Variants in SOX6 observed in about 807,000 individuals in gnomAD.
The protein encoded by SOX6 is SRY-box transcription factor 6.
In SOX6, 11 loss-of-function variants were observed where a neutral mutation model predicts 97.8. The ratio of observed to expected loss-of-function variants is 0.11; its 90% confidence interval spans 0.07 to 0.19. SOX6 has a LOEUF of 0.19. SOX6 is among the 10% of genes least tolerant of loss of function. SOX6 has a pLI of 1.00. For synonymous variants in SOX6, 360 were observed against 371.4 expected (o/e 0.97, Z 0.35); for missense variants, 810 against 1,039.5 (o/e 0.78, Z 3.04).
intron 2 of SOX6, 146 bp downstream of exon 2, chr11:16,340,866 G>T: frequency 8.9e-7 from 1 of 1,123,072 alleles, no homozygotes; most frequent in Non-Finnish European, 1.3e-6. Context: ...CCAGTTATTA[G>T]TATCTTAGTA....
chr11:16,428,597 T>G (rs1008745114), intron 1 of SOX6, among the ~76,000 whole-genome samples: 8 of 152,138 alleles, frequency 5.3e-5, no homozygotes, highest in African/African-American at 7.2e-5. Flanking sequence ...TTTCCCCATT[T>G]CTTGTTTTTG....
At chr11:16,098,607 G>A (rs1369454454) in intron 7 of SOX6, among the ~76,000 whole-genome samples, 1 of 151,820 alleles carries the variant, frequency 6.6e-6, no homozygotes, top group African/African-American at 2.4e-5. Flanking sequence ...ATTAGTATGT[G>A]TGGATAAATT....
At chr11:16,327,311 C>T (rs1185739863) in intron 2 of SOX6, among the ~76,000 whole-genome samples, 3 of 152,110 alleles carry the variant, frequency 2.0e-5, no homozygotes, top group African/African-American at 7.2e-5. Flanking sequence ...ATGATAGCTA[C>T]TCTTATTAAA....
rs533562356 is a variant in SOX6, at chr11:16,569,858, G to C, written n.609+42223C>G. Reference sequence around the variant, plus strand: ...CACTCCAGCCTGGGTGACTGATCAAGACTCCGTCTCAAAAAAAAAAAAAAA... The same window carrying C: ...CACTCCAGCCTGGGTGACTGATCAACACTCCGTCTCAAAAAAAAAAAAAAA... On this transcript the variant is annotated intron_variant and non_coding_transcript_variant, in intron 4 of 5. Transcript: ENST00000524520. 1.4e-3 allele frequency among the ~76,000 whole-genome samples: 101 copies of C among 73,158 alleles called. 1 individual carries two copies. The highest frequency in any genetic ancestry group is 3.9e-3 in the Admixed American group (27 of 6,866). The allele number at this position is 73,158 out of a possible 152,430, so 48.0% of individuals were successfully genotyped here. A position where few individuals can be genotyped will look rare whatever the true frequency, so the allele number is the denominator to read the frequency against.
chr11:16,429,605 T>C (rs1289717977), intron 1 of SOX6, among the ~76,000 whole-genome samples: 2 of 152,090 alleles, frequency 1.3e-5, no homozygotes, highest in East Asian at 3.9e-4. Flanking sequence ...ATGTTATCAC[T>C]TGTAAGTGGG....
chr11:16,344,319 G>C (rs2134346200), intron 1 of SOX6, among the ~76,000 whole-genome samples: 1 of 151,884 alleles, frequency 6.6e-6, no homozygotes, highest in Non-Finnish European at 1.5e-5. Context: ...TTTTAATGCA[G>C]TTTATTAAAT....
intron 2 of SOX6, among the ~76,000 whole-genome samples, chr11:16,716,209 C>A (rs1480744841): frequency 6.6e-6 from 1 of 152,008 alleles, no homozygotes; most frequent in South Asian, 2.1e-4. Flanking sequence ...GCACTCTAGT[C>A]CGGGTGACAG....
intron 3 of SOX6, among the ~76,000 whole-genome samples, chr11:16,658,792 A>T (rs1847744315): frequency 6.6e-6 from 1 of 152,240 alleles, no homozygotes; most frequent in African/African-American, 2.4e-5. Flanking sequence ...AATGTAATAC[A>T]TATGAAAGCC....
intron 3 of SOX6, among the ~76,000 whole-genome samples, chr11:16,641,115 G>T (rs1848905564): frequency 1.3e-5 from 2 of 152,174 alleles, no homozygotes; most frequent in Non-Finnish European, 1.5e-5. Context: ...CTGTGTCTTT[G>T]TTCTTGTTGG....
At chr11:16,454,323 T>A (rs925477954) in intron 1 of SOX6, among the ~76,000 whole-genome samples, 26 of 152,072 alleles carry the variant, frequency 1.7e-4, no homozygotes, top group African/African-American at 6.3e-4. Context: ...ATATGACACC[T>A]CATCAGTAGC....
At chr11:15,979,042 C>A (rs34376554) in intron 15 of SOX6, among the ~76,000 whole-genome samples, 1 of 107,100 alleles carries the variant, frequency 9.3e-6, no homozygotes, top group Non-Finnish European at 1.9e-5. Context: ...ATATATTTTA[C>A]ATATATATAT....
At chr11:16,141,239 T>C (rs1291689479) in intron 6 of SOX6, among the ~76,000 whole-genome samples, 1 of 152,076 alleles carries the variant, frequency 6.6e-6, no homozygotes, top group African/African-American at 2.4e-5. Context: ...AACACTATCA[T>C]GAGGATGTAG....
chr11:16,072,518 C>T (rs1848249996), intron 9 of SOX6, among the ~76,000 whole-genome samples: 1 of 152,094 alleles, frequency 6.6e-6, no homozygotes, highest in South Asian at 2.1e-4. Context: ...ACTTGGAAAA[C>T]ATGTTTGAAG....
intron 3 of SOX6, among the ~76,000 whole-genome samples, chr11:16,690,385 C>T (rs1848003766): frequency 6.6e-6 from 1 of 152,196 alleles, no homozygotes. Context: ...TTATCTCTTT[C>T]ATCGGTTTTA....
intron 12 of SOX6, among the ~76,000 whole-genome samples, chr11:16,017,758 C>T: frequency 6.6e-6 from 1 of 152,160 alleles, no homozygotes; most frequent in East Asian, 1.9e-4. Context: ...GAGCATGCCC[C>T]TATATGGAAC....
chr11:16,123,610 A>G (rs753228649), intron 6 of SOX6, among the ~76,000 whole-genome samples: 1 of 152,052 alleles, frequency 6.6e-6, no homozygotes, highest in Non-Finnish European at 1.5e-5. Context: ...AAAGCTAATG[A>G]CATGCACAGT....
At chr11:16,634,776 A>T (rs192322776) in intron 3 of SOX6, among the ~76,000 whole-genome samples, 3 of 152,054 alleles carry the variant, frequency 2.0e-5, no homozygotes, top group Admixed American at 2.0e-4. Flanking sequence ...CCCAAATCTG[A>T]TCTTGAACTG....
At chr11:16,106,115 T>C (rs927959659) in intron 7 of SOX6, among the ~76,000 whole-genome samples, 1 of 152,092 alleles carries the variant, frequency 6.6e-6, no homozygotes, top group Non-Finnish European at 1.5e-5. Flanking sequence ...ACTGTTAAGA[T>C]GGCAATACTA....
At chr11:16,718,601 T>C (rs905429382) in intron 2 of SOX6, among the ~76,000 whole-genome samples, 4 of 152,170 alleles carry the variant, frequency 2.6e-5, no homozygotes, top group Non-Finnish European at 5.9e-5. Flanking sequence ...AAATTACATA[T>C]ATGCCAAGAA....
Sources: gnomAD v4.1 joint callset for allele counts (sites outside exome capture counted in the v4.1 genomes callset) on GRCh38, gnomAD v4.1.1 for gene constraint, MANE v1.5 for transcripts, NCBI Gene and HGNC (gene_info 2026-07-23, HGNC 2026-07-21) for gene names.